PAK5: variants seen among roughly 807,000 people sequenced by gnomAD.
The protein encoded by PAK5 is p21 (RAC1) activated kinase 5, also known as serine/threonine-protein kinase PAK 5.
PAK5 carries 16 observed loss-of-function variants against 65.9 expected under a neutral mutation model. The observed-to-expected ratio is 0.24, with a 90% confidence interval of 0.16 to 0.37. The LOEUF is 0.37. Among genes scored for constraint, PAK5 ranks in the 10% least tolerant of loss-of-function variants. The pLI is 1.00. For missense variants in PAK5, 785 were observed against 903.9 expected (o/e 0.87, Z 1.69); for synonymous variants, 371 against 354.9 (o/e 1.05, Z -0.51).
At chr20:9,735,002 A>C (rs776335482) in intron 1 of PAK5, among the ~76,000 whole-genome samples, 12 of 152,238 alleles carry the variant, frequency 7.9e-5, no homozygotes, top group Non-Finnish European at 1.8e-4. Flanking sequence ...GTACAGGAAA[A>C]GGATTTTTCA....
intron 1 of PAK5, among the ~76,000 whole-genome samples, chr20:9,812,444 T>C (rs1336412230): frequency 6.6e-6 from 1 of 152,140 alleles, no homozygotes; most frequent in Non-Finnish European, 1.5e-5. Flanking sequence ...TCACCACTCC[T>C]ATCAGATTAG....
chr20:9,623,878 C>A (rs992162396), intron 3 of PAK5, among the ~76,000 whole-genome samples: 3 of 152,186 alleles, frequency 2.0e-5, no homozygotes, highest in Non-Finnish European at 4.4e-5. Flanking sequence ...CTTAGACCTG[C>A]AAATATTCAG....
chr20:9,812,727 G>T (rs891424691), intron 1 of PAK5, among the ~76,000 whole-genome samples: 2 of 152,134 alleles, frequency 1.3e-5, no homozygotes, highest in Non-Finnish European at 2.9e-5. Flanking sequence ...TAGTTAGAAG[G>T]AATAAGATCT....
At chr20:9,626,299 C>G (rs2046842537) in intron 3 of PAK5, among the ~76,000 whole-genome samples, 1 of 152,070 alleles carries the variant, frequency 6.6e-6, no homozygotes, top group Non-Finnish European at 1.5e-5. Flanking sequence ...ATCTTGCTGT[C>G]AAAAGGAAAC....
chr20:9,653,263 T>A (rs1460746814), intron 2 of PAK5, among the ~76,000 whole-genome samples: 1 of 152,208 alleles, frequency 6.6e-6, no homozygotes, highest in African/African-American at 2.4e-5. Context: ...AAAAACTGCA[T>A]GGAAAGTGTG....
At chr20:9,615,239 C>T (rs1367588616) in intron 3 of PAK5, among the ~76,000 whole-genome samples, 1 of 152,116 alleles carries the variant, frequency 6.6e-6, no homozygotes, top group Admixed American at 6.5e-5. Context: ...TATGATATGA[C>T]AATGGTAGAT....
intron 1 of PAK5, among the ~76,000 whole-genome samples, chr20:9,787,653 GTGTA>G (rs1381001993): frequency 4.4e-4 from 64 of 145,044 alleles, no homozygotes; most frequent in Admixed American, 4.0e-3. Flanking sequence ...GTGTGTGTGT[GTGTA>G]TGTGTATACA....
intron 1 of PAK5, among the ~76,000 whole-genome samples, chr20:9,718,227 C>T (rs758859183): frequency 2.0e-5 from 3 of 151,744 alleles, no homozygotes; most frequent in Non-Finnish European, 2.9e-5. Context: ...GTATATAAAA[C>T]GGAAGGAAGA....
chr20:9,795,777 G>C (rs1370753627), intron 1 of PAK5, among the ~76,000 whole-genome samples: 1 of 151,916 alleles, frequency 6.6e-6, no homozygotes, highest in Non-Finnish European at 1.5e-5. Flanking sequence ...CCATTACCTG[G>C]AAAAAGTCCC....
intron 1 of PAK5, among the ~76,000 whole-genome samples, chr20:9,746,363 T>G (rs1390848631): frequency 2.0e-5 from 3 of 152,282 alleles, no homozygotes; most frequent in African/African-American, 7.2e-5. Context: ...TTCCTCGAGC[T>G]GAACCAGAAA....
At chr20:9,685,120 G>A (rs2123415407) in intron 2 of PAK5, among the ~76,000 whole-genome samples, 1 of 152,232 alleles carries the variant, frequency 6.6e-6, no homozygotes, top group African/African-American at 2.4e-5. Context: ...ACTGATCTCA[G>A]GCTTGTGACA....
At chr20:9,571,406 A>G (rs2045778404) in intron 4 of PAK5, among the ~76,000 whole-genome samples, 1 of 152,228 alleles carries the variant, frequency 6.6e-6, no homozygotes, top group South Asian at 2.1e-4. Flanking sequence ...GGTTGATAAA[A>G]TAGAGGCACA....
Position 9,571,285 on chromosome 20 carries a change from A to G in PAK5, c.991-4901T>C, listed in dbSNP as rs1325671998. Among the ~76,000 whole-genome samples, 5 of 152,156 alleles carry G rather than the reference A, an allele frequency of 3.3e-5. No homozygotes were observed. The East Asian group carries it at 7.7e-4, about 23-fold the overall frequency. On this transcript the variant is annotated intron_variant, in intron 4 of 9. Coordinates refer to ENST00000353224, the MANE Select transcript of PAK5 (RefSeq NM_177990.4). ...AACCATTGCCTTCTGTTGGATCTTA[A>G]CCCACATGCGGGGTTCCATGATGGT... is the stretch of plus-strand genomic sequence containing the variant.
intron 3 of PAK5, among the ~76,000 whole-genome samples, chr20:9,608,165 C>A (rs988248187): frequency 2.0e-5 from 3 of 152,282 alleles, no homozygotes; most frequent in African/African-American, 7.2e-5. Flanking sequence ...CCAAAGGCCC[C>A]ACCTCCAAAT....
intron 4 of PAK5, chr20:9,577,423 A>ACATGTGTACACACACG (rs1185430051): frequency 1.1e-4 from 17 of 151,676 alleles, no homozygotes; most frequent in Non-Finnish European, 2.2e-4. Context: ...GTACACACAC[A>ACATGTGTACACACACG]TGACCCTCCT....
chr20:9,558,451 C>T (rs2045544986), intron 6 of PAK5, among the ~76,000 whole-genome samples: 1 of 152,106 alleles, frequency 6.6e-6, no homozygotes. Context: ...TAGGCATCAA[C>T]AAGCCTCCAG....
intron 1 of PAK5, among the ~76,000 whole-genome samples, chr20:9,787,819 A>G (rs2049009104): frequency 6.6e-6 from 1 of 152,174 alleles, no homozygotes; most frequent in African/African-American, 2.4e-5. Context: ...ATAACCACAC[A>G]ATCACAGATA....
intron 1 of PAK5, among the ~76,000 whole-genome samples, chr20:9,722,560 C>T (rs1163141326): frequency 2.6e-5 from 4 of 151,852 alleles, no homozygotes; most frequent in East Asian, 2.0e-4. Context: ...TGCAGTGAGC[C>T]GCGATCGCGC....
chr20:9,685,765 C>T (rs2047710878), intron 2 of PAK5, among the ~76,000 whole-genome samples: 1 of 152,174 alleles, frequency 6.6e-6, no homozygotes, highest in South Asian at 2.1e-4. Context: ...GTACTCATAG[C>T]ACAGTGTCTA....
Sources: allele counts gnomAD v4.1 joint callset (sites outside exome capture counted in the v4.1 genomes callset), GRCh38; gene constraint gnomAD v4.1.1; transcripts MANE v1.5; gene names NCBI Gene and HGNC (gene_info 2026-07-23, HGNC 2026-07-21).